The following PCDHGA7 variants were observed in gnomAD, a reference collection of about 807,000 sequenced individuals.
The protein encoded by PCDHGA7 is protocadherin gamma-A7.
Under a neutral mutation model 58.3 loss-of-function variants are expected in PCDHGA7, and 44 were observed. The observed-to-expected ratio is 0.75, with a 90% CI of 0.59 to 0.97. The LOEUF (loss-of-function observed/expected upper bound fraction) is 0.97, where lower values mean the gene tolerates loss of function less well. Among genes scored for constraint, PCDHGA7 ranks in the 50% least tolerant of loss-of-function variants. The pLI is 0.00. For synonymous variants in PCDHGA7, 516 were observed against 504.2 expected, an observed-to-expected ratio of 1.02 and a Z score of -0.31; for missense variants, 1,266 against 1,188.7, an observed-to-expected ratio of 1.06 and a Z score of -0.96.
intron 1 of PCDHGA7, chr5:141,424,773 T>C (rs1398493027): frequency 6.6e-6 from 1 of 152,206 alleles, no homozygotes; most frequent in African/African-American, 2.4e-5. Flanking sequence ...TGGCAAATAG[T>C]ACATTCAGTT....
intron 1 of PCDHGA7, chr5:141,402,861 A>G (rs2094315270): frequency 7.0e-7 from 1 of 1,430,150 alleles, no homozygotes; most frequent in Non-Finnish European, 9.2e-7. Context: ...CTTCTAAGGA[A>G]AAGATCACCA....
intron 1 of PCDHGA7, chr5:141,421,009 T>G (rs948913987): frequency 1.9e-6 from 1 of 515,496 alleles, no homozygotes. Context: ...AATCAGGGAA[T>G]GGGAAGCTGC....
chr5:141,462,872 AG>A (rs1254807813), intron 1 of PCDHGA7, among the ~76,000 whole-genome samples: 54 of 152,272 alleles, frequency 3.5e-4, no homozygotes, highest in Middle Eastern at 6.8e-3. Flanking sequence ...TCTTTCTTTA[AG>A]AACTATTGCA....
Position 141,489,699 on chromosome 5 carries a change from A to G in PCDHGA7, c.2425-5108A>G. ...CAGCAGCATCTGGGGCACGATTCCC[A>G]CTGGACAGTGCCCAGGATCCGGATG... is the stretch of plus-strand genomic sequence containing the variant. On this transcript the variant is annotated intron_variant, in intron 1 of 3. Transcript: ENST00000518325. The surrounding 1 kb of genome is among the most constrained non-coding windows in gnomAD (Gnocchi z 4.5). The G allele has an allele frequency of 6.2e-7, 1 of 1,614,102 alleles. No homozygotes were observed. The highest frequency in any genetic ancestry group is 8.5e-7 in the Non-Finnish European group (1 of 1,179,956).
chr5:141,415,588 A>G lies in PCDHGA7; in HGVS notation c.2424+30265A>G, dbSNP rs769216282. 3.3e-5 allele frequency: 53 copies of G among 1,613,874 alleles called. No individual in the cohort carries two copies. Among genetic ancestry groups the G allele is most frequent in the Admixed American group, 3.3e-5 (2 of 59,998 alleles). ...TTTGTTAGATGATTCGAAGTTTCCT[A>G]TAGAGGATACCCCATTGGTTCCAGT... On this transcript the variant is annotated intron_variant, in intron 1 of 3. Transcript: ENST00000518325.
In PCDHGA7 at chr5:141,489,375, G is replaced by A. The variant is rs768190252; in HGVS notation, c.2425-5432G>A. The A allele has an allele frequency of 1.2e-5, 19 of 1,613,826 alleles. No individual in the cohort carries two copies. The Admixed American group carries it at 3.2e-4, about 27-fold the overall frequency. ...AGGAGTCTGAGCCGGGGACGCTGGT[G>A]GGGAATGTTGCTCAGGATCTGGGCT... On this transcript the variant is annotated intron_variant, in intron 1 of 3. Transcript: ENST00000518325. The surrounding 1 kb of genome is among the most constrained non-coding windows in gnomAD (Gnocchi z 4.5).
At chr5:141,400,431 A>T (rs542969819) in intron 1 of PCDHGA7, 1 of 1,614,034 alleles carries the variant, frequency 6.2e-7, no homozygotes. Context: ...GTAGTGAGCA[A>T]TTGAGTTCAG....
At chr5:141,503,801 G>A (rs920669425) in intron 2 of PCDHGA7, among the ~76,000 whole-genome samples, 1 of 151,990 alleles carries the variant, frequency 6.6e-6, no homozygotes, top group Admixed American at 6.6e-5. Flanking sequence ...ACTTAGGGAC[G>A]GGGAATCCCA....
intron 1 of PCDHGA7, chr5:141,415,978 C>A: frequency 5.7e-6 from 2 of 353,430 alleles, no homozygotes; most frequent in Non-Finnish European, 9.4e-6. Flanking sequence ...CTTAAGCAAC[C>A]CTCTTGTTCT....
intron 1 of PCDHGA7, chr5:141,415,721 G>A (rs1201366552): frequency 3.0e-6 from 2 of 675,878 alleles, no homozygotes; most frequent in Admixed American, 7.4e-5. Context: ...CTGATGAGTA[G>A]AATTTGATGT....
intron 3 of PCDHGA7, 118 bp downstream of exon 3, chr5:141,505,599 G>A (rs936757644): frequency 1.5e-5 from 23 of 1,555,468 alleles, no homozygotes; most frequent in South Asian, 2.4e-5. Flanking sequence ...CAGATCTTTC[G>A]GCAGGTCTGA....
chr5:141,419,943 C>G (rs2096450865), intron 1 of PCDHGA7: 4 of 1,614,070 alleles, frequency 2.5e-6, no homozygotes, highest in Non-Finnish European at 3.4e-6. Flanking sequence ...CTGGTGGTGG[C>G]CTTGGCCTTG....
Position 141,491,826 on chromosome 5 carries a change from C to A in PCDHGA7, c.2425-2981C>A. 1 of 1,477,526 alleles carries A rather than the reference C, an allele frequency of 6.8e-7. No homozygotes were observed. The highest frequency in any genetic ancestry group is 9.0e-7 in the Non-Finnish European group (1 of 1,114,486). The allele number at this position is 1,477,526 out of a possible 1,614,324, so 91.5% of individuals were successfully genotyped here. A position where few individuals can be genotyped will look rare whatever the true frequency, so the allele number is the denominator to read the frequency against. ...GGCTTGGTCGCTGGCTGCGCTCCAC[C>A]CGATTCTCGGGATCATTGGACCGTT... On this transcript the variant is annotated intron_variant, in intron 1 of 3. Transcript: ENST00000518325. The surrounding 1 kb of genome is among the most constrained non-coding windows in gnomAD (Gnocchi z 6.9).
At position 141,490,551 on chromosome 5, in the gene PCDHGA7, T is replaced by C; in HGVS notation, c.2425-4256T>C. On this transcript the variant is annotated intron_variant, in intron 1 of 3. Coordinates refer to ENST00000518325, the MANE Select transcript of PCDHGA7 (RefSeq NM_018920.4). The surrounding 1 kb of genome is among the most constrained non-coding windows in gnomAD (Gnocchi z 5.4). ...CTGGTTCACCTTCCCTACACAAACA[T>C]CTCACCATCAGGCTCAACATTTCAG... 1 of 1,614,088 alleles carries C rather than the reference T, an allele frequency of 6.2e-7. No individual in the cohort carries two copies. The highest frequency in any genetic ancestry group is 1.1e-5 in the South Asian group (1 of 91,086).
At chr5:141,395,500 TAAG>T (rs1227202502) in intron 1 of PCDHGA7, 3 of 471,360 alleles carry the variant, frequency 6.4e-6, no homozygotes, top group Non-Finnish European at 1.1e-5. Flanking sequence ...CTCATTCACT[TAAG>T]AAGTAGCTAC....
Position 141,410,849 on chromosome 5 carries a change from C to CTTTTTTTTT in PCDHGA7, c.2424+25540_2424+25548dup, listed in dbSNP as rs759346998. 1.7e-3 allele frequency: 239 copies of CTTTTTTTTT among 138,144 alleles called. 16 individuals are homozygous for CTTTTTTTTT. Among genetic ancestry groups the CTTTTTTTTT allele is most frequent in the African/African-American group, 4.5e-3 (75 of 16,616 alleles). 8.6% of individuals were successfully genotyped at this position (138,144 alleles called of 1,614,324 possible). On this transcript the variant is annotated intron_variant, in intron 1 of 3. Coordinates refer to ENST00000518325, the MANE Select transcript of PCDHGA7 (RefSeq NM_018920.4). ...CAGACTGAAGATATTTTGTCTTTGT[C>CTTTTTTTTT]TTTTTTTTTTTTTTTTTTTTTTGAG...
rs777670481 is a variant in PCDHGA7, at chr5:141,385,026, C to T, written c.2127C>T (p.Leu709=). 2.5e-6 allele frequency: 4 copies of T among 1,614,190 alleles called. No homozygotes were observed. The East Asian group carries it at 6.7e-5, about 27-fold the overall frequency. The change falls in exon 1 of 4, where the codon CTC becomes CTT. Residue 709 remains leucine, a synonymous_variant. Coordinates refer to ENST00000518325, the MANE Select transcript of PCDHGA7 (RefSeq NM_018920.4). Reference sequence around the variant, plus strand: ...CCTGCGTCTTCCTAGCCTTCGTCCTCGTACTGCTGGCGCTCAGGCTGCGGC... The same window carrying T: ...CCTGCGTCTTCCTAGCCTTCGTCCTTGTACTGCTGGCGCTCAGGCTGCGGC... ...TVSCVFLAFV[L]VLLALRLRRW... is the part of the protein sequence containing the mutation.
intron 1 of PCDHGA7, among the ~76,000 whole-genome samples, chr5:141,402,432 TA>T (rs1325787840): frequency 6.6e-6 from 1 of 152,042 alleles, no homozygotes; most frequent in Non-Finnish European, 1.5e-5. Flanking sequence ...TGAAGCATCA[TA>T]AAAAGGAAAT....
In PCDHGA7 at chr5:141,385,314, A is replaced by T; in HGVS notation, c.2415A>T (p.Pro805=). 6.2e-7 allele frequency: 1 copy of T among 1,611,588 alleles called. No homozygotes were observed. The change falls in exon 1 of 4, where the codon CCA becomes CCT. Residue 805 remains proline, a synonymous_variant. Coordinates refer to ENST00000518325, the MANE Select transcript of PCDHGA7 (RefSeq NM_018920.4). ...VDFQECKENL[P]SIQQAPPNTD... The stretch of plus-strand genomic sequence containing the variant: ...TTCAGGAATGTAAAGAAAACCTGCC[A>T]AGTATTCAGGTGAGCCCAGCCCTTC...
Sources: gnomAD v4.1 joint callset for allele counts (sites outside exome capture counted in the v4.1 genomes callset) on GRCh38, gnomAD v4.1.1 for gene constraint, Gnocchi (gnomAD v3.1) non-coding constraint, MANE v1.5 for transcripts, NCBI Gene and HGNC (gene_info 2026-07-23, HGNC 2026-07-21) for gene names.